Variants in MCCC2 observed in about 807,000 individuals in gnomAD.
The protein encoded by MCCC2 is methylcrotonyl-CoA carboxylase subunit 2.
In MCCC2, 52 loss-of-function variants were observed where a neutral mutation model predicts 77.2. That is an observed-to-expected ratio of 0.67 (90% CI 0.54 to 0.85). MCCC2 has a LOEUF of 0.85. Among genes scored for constraint, MCCC2 ranks in the 40% least tolerant of loss-of-function variants. The pLI, the probability that MCCC2 is intolerant of heterozygous loss-of-function variation, is 0.00. For missense variants in MCCC2, 682 were observed against 703.2 expected, an observed-to-expected ratio of 0.97 and a Z score of 0.34; for synonymous variants, 253 against 248.4, an observed-to-expected ratio of 1.02 and a Z score of -0.18.
chr5:71,648,542 T>C (rs1366190063), intron 13 of MCCC2, among the ~76,000 whole-genome samples: 1 of 152,214 alleles, frequency 6.6e-6, no homozygotes, highest in Non-Finnish European at 1.5e-5. Context: ...GAAAGAACAG[T>C]CTGTTTTAAA....
At position 71,598,071 on chromosome 5, in the gene MCCC2, CTTTTT is replaced by C. The variant is rs541775693; in HGVS notation, c.282-1572_282-1568del. Reference sequence around the variant, plus strand: ...CTAAGGAGGACATGAGTGAGTGTTTCTTTTTTTTTTTTTTTTTTTTGAGACGGAGT... The same window carrying C: ...CTAAGGAGGACATGAGTGAGTGTTTCTTTTTTTTTTTTTTTGAGACGGAGT... On this transcript the variant is annotated intron_variant, in intron 3 of 16. Transcript: ENST00000340941. 6.0e-3 allele frequency among the ~76,000 whole-genome samples: 778 copies of C among 129,500 alleles called. 6 individuals carry two copies. Among genetic ancestry groups the C allele is most frequent in the African/African-American group, 0.021 (744 of 35,402 alleles). 85.0% of individuals were successfully genotyped at this position (129,500 alleles called of 152,430 possible). A position where few individuals can be genotyped will look rare whatever the true frequency, so the allele number is the denominator to read the frequency against.
intron 10 of MCCC2, chr5:71,636,208 A>C (rs1423533711): frequency 3.2e-6 from 1 of 313,684 alleles, no homozygotes; most frequent in Non-Finnish European, 6.6e-6. Context: ...ATTGATGGAT[A>C]TAATGTTCTG....
intron 16 of MCCC2, among the ~76,000 whole-genome samples, chr5:71,653,649 A>T (rs1747500284): frequency 6.6e-6 from 1 of 152,070 alleles, no homozygotes; most frequent in Non-Finnish European, 1.5e-5. Context: ...CAGGAGTTCG[A>T]AACTAGCGGG....
Position 71,641,084 on chromosome 5 carries a change from G to A in MCCC2, c.1072+9G>A, listed in dbSNP as rs779091338. On this transcript the variant is annotated intron_variant, in intron 11 of 16. Transcript: ENST00000340941. Reference sequence around the variant, plus strand: ...AGACACATTAGTTACAGGTATAAAGGTGAAGAATTGAAAATACGAACATTT... The same window carrying A: ...AGACACATTAGTTACAGGTATAAAGATGAAGAATTGAAAATACGAACATTT... 4 of 1,611,150 alleles carry A rather than the reference G, an allele frequency of 2.5e-6. No individual in the cohort carries two copies. Among genetic ancestry groups the A allele is most frequent in the Admixed American group, 1.7e-5 (1 of 60,008 alleles).
rs6895748 is a variant in MCCC2 at position 71,646,509 on chromosome 5, G to A, written c.1216+232G>A. ...CCCAAGTAGCTGGGCCTACAGGCAT[G>A]TGCCACCATGCCTGGTTAATTTTTG... On this transcript the variant is annotated intron_variant, in intron 13 of 16. Coordinates refer to ENST00000340941, the MANE Select transcript of MCCC2 (RefSeq NM_022132.5). 0.092 allele frequency among the ~76,000 whole-genome samples: 14,012 copies of A among 152,172 alleles called. 1,000 individuals carry two copies. Among genetic ancestry groups the A allele is most frequent in the African/African-American group, 0.19 (8,013 of 41,490 alleles).
In MCCC2 at chr5:71,658,260, C is replaced by T. The variant is rs1747635679; in HGVS notation, c.*1400C>T. ...TCTTTCAGTTCTTTGAACCTTCCCA[C>T]CTTAGGGTCTATAAGGTTCCCTCTG... On this transcript the variant is annotated 3_prime_UTR_variant, in exon 17 of 17. Transcript: ENST00000340941. 1.3e-5 allele frequency: 2 copies of T among 152,208 alleles called. No individual in the cohort carries two copies. The highest frequency in any genetic ancestry group is 4.1e-4 in the South Asian group (2 of 4,834). The allele number at this position is 152,208 out of a possible 1,614,324, so 9.4% of individuals were successfully genotyped here.
chr5:71,626,897 C>T (rs1288888873), intron 7 of MCCC2, 144 bp downstream of exon 7: 6 of 793,868 alleles, frequency 7.6e-6, no homozygotes, highest in Admixed American at 6.1e-5. Context: ...TTTTTCAGTA[C>T]AGCTTGGTGA....
intron 1 of MCCC2, among the ~76,000 whole-genome samples, chr5:71,592,108 C>T (rs927871278): frequency 2.0e-5 from 3 of 151,996 alleles, no homozygotes; most frequent in African/African-American, 7.2e-5. Context: ...TGGCCAGGTG[C>T]GGTGGCTCAT....
At chr5:71,647,983 T>C (rs549272486) in intron 13 of MCCC2, among the ~76,000 whole-genome samples, 2 of 152,134 alleles carry the variant, frequency 1.3e-5, no homozygotes, top group South Asian at 4.2e-4. Flanking sequence ...ACAGCTGATA[T>C]TTGAAGTAGG....
chr5:71,596,177 C>G (rs1044256107), intron 2 of MCCC2, 103 bp from the exon 3 acceptor site: 1 of 1,074,470 alleles, frequency 9.3e-7, no homozygotes, highest in Non-Finnish European at 1.4e-6. Context: ...ATATGTTGAA[C>G]TTTTAAAAAG....
At chr5:71,602,702 A>G (rs1391481264) in intron 5 of MCCC2, 69 bp downstream of exon 5, 2 of 1,604,656 alleles carry the variant, frequency 1.2e-6, no homozygotes, top group African/African-American at 1.3e-5. Flanking sequence ...GGAAGGCTGT[A>G]TGTATTACAT....
chr5:71,608,879 G>T (rs1247090700), intron 6 of MCCC2, among the ~76,000 whole-genome samples: 3 of 152,150 alleles, frequency 2.0e-5, no homozygotes, highest in Admixed American at 1.3e-4. Flanking sequence ...TTTTCTTTAA[G>T]AATGTTGAAT....
At chr5:71,626,120 C>T (rs1029866920) in intron 6 of MCCC2, among the ~76,000 whole-genome samples, 13 of 152,046 alleles carry the variant, frequency 8.6e-5, no homozygotes, top group East Asian at 5.8e-4. Flanking sequence ...TCAATACAAT[C>T]GACTTTTCTT....
At chr5:71,641,189 C>T in intron 11 of MCCC2, 114 bp downstream of exon 11, 1 of 919,090 alleles carries the variant, frequency 1.1e-6, no homozygotes, top group South Asian at 1.4e-5. Flanking sequence ...GAGAGCACTA[C>T]AAATGTGTGA....
At chr5:71,602,373 G>C (rs943149621) in intron 4 of MCCC2, 133 bp from the exon 5 acceptor site, 36 of 1,069,628 alleles carry the variant, frequency 3.4e-5, no homozygotes, top group African/African-American at 4.7e-5. Flanking sequence ...TCCTAAGACT[G>C]CTGTCTGCTA....
chr5:71,637,302 T>C (rs1003949648), intron 10 of MCCC2, among the ~76,000 whole-genome samples: 2 of 152,214 alleles, frequency 1.3e-5, no homozygotes, highest in Non-Finnish European at 2.9e-5. Context: ...CTCAGATACA[T>C]TGTGGGTTCA....
chr5:71,636,671 G>A (rs1314229503), intron 10 of MCCC2: 2 of 151,896 alleles, frequency 1.3e-5, no homozygotes, highest in Admixed American at 6.6e-5. Flanking sequence ...CTGCACTCCA[G>A]CCTGGGTGAC....
intron 8 of MCCC2, among the ~76,000 whole-genome samples, chr5:71,632,591 A>T (rs1746756162): frequency 6.6e-6 from 1 of 152,186 alleles, no homozygotes; most frequent in Non-Finnish European, 1.5e-5. Flanking sequence ...TACAAAGGAG[A>T]AGAGGGAAGA....
At chr5:71,641,457 G>C (rs1456361730) in intron 11 of MCCC2, 2 of 272,270 alleles carry the variant, frequency 7.3e-6, no homozygotes, top group Non-Finnish European at 1.4e-5. Context: ...CCAATTCAAC[G>C]AGGAAGTTTT....
Sources: allele counts gnomAD v4.1 joint callset (sites outside exome capture counted in the v4.1 genomes callset), GRCh38; gene constraint gnomAD v4.1.1; transcripts MANE v1.5; gene names NCBI Gene and HGNC (gene_info 2026-07-23, HGNC 2026-07-21).